DAB1: variants seen among roughly 807,000 people sequenced by gnomAD.
DAB1 encodes disabled homolog 1.
In DAB1, 15 loss-of-function variants were observed where a neutral mutation model predicts 64.6. The ratio of observed to expected loss-of-function variants is 0.23; its 90% confidence interval spans 0.16 to 0.36. The LOEUF is 0.36. Among genes scored for constraint, DAB1 ranks in the 10% least tolerant of loss-of-function variants. DAB1 has a pLI of 1.00. For missense variants in DAB1, 596 were observed against 706.7 expected (o/e 0.84, Z 1.78); for synonymous variants, 235 against 251.9 (o/e 0.93, Z 0.64).
intron 5 of DAB1, among the ~76,000 whole-genome samples, chr1:57,985,065 G>A (rs1646180604): frequency 6.6e-6 from 1 of 152,010 alleles, no homozygotes; most frequent in African/African-American, 2.4e-5. Context: ...ACGCCACCAG[G>A]CCCAACTAAT....
At chr1:57,593,934 C>T (rs1331609520) in intron 7 of DAB1, among the ~76,000 whole-genome samples, 1 of 152,204 alleles carries the variant, frequency 6.6e-6, no homozygotes, top group African/African-American at 2.4e-5. Context: ...CTGAGCCAAT[C>T]ATTATGGTTA....
At chr1:57,191,650 C>T (rs1664130800) in intron 2 of DAB1, among the ~76,000 whole-genome samples, 1 of 152,174 alleles carries the variant, frequency 6.6e-6, no homozygotes, top group Admixed American at 6.5e-5. Flanking sequence ...CCACAGACAC[C>T]TCCAAAAACA....
intron 7 of DAB1, among the ~76,000 whole-genome samples, chr1:57,634,481 CAATAGT>C (rs1158390392): frequency 6.6e-6 from 1 of 152,128 alleles, no homozygotes; most frequent in African/African-American, 2.4e-5. Context: ...TATCCCTTGG[CAATAGT>C]AAGCACCAAA....
chr1:58,536,665 A>G (rs779109975), intron 1 of DAB1: 26 of 872,718 alleles, frequency 3.0e-5, no homozygotes, highest in Non-Finnish European at 5.0e-5. Context: ...AATAGCTTCC[A>G]TTTATTCTTC....
At chr1:58,119,169 C>G (rs1652578222) in intron 5 of DAB1, among the ~76,000 whole-genome samples, 1 of 151,926 alleles carries the variant, frequency 6.6e-6, no homozygotes, top group African/African-American at 2.4e-5. Flanking sequence ...TCTGCAATCT[C>G]TTGTCTGAAT....
chr1:57,019,660 GAGCCACTTGGTGGCTGCCACTGC>G (rs1329985598), intron 11 of DAB1, among the ~76,000 whole-genome samples: 2 of 152,198 alleles, frequency 1.3e-5, no homozygotes, highest in South Asian at 2.1e-4. Context: ...TGGACAGAGG[GAGCCACTTGGTGGCTGCCACTGC>G]AGCCACTTAA....
chr1:58,266,086 G>A (rs1661153549), intron 4 of DAB1, among the ~76,000 whole-genome samples: 1 of 150,094 alleles, frequency 6.7e-6, no homozygotes, highest in Non-Finnish European at 1.5e-5. Context: ...CAATTCACAG[G>A]GAGAATTAAT....
At chr1:58,392,748 T>C (rs563875496) in intron 3 of DAB1, among the ~76,000 whole-genome samples, 64 of 152,372 alleles carry the variant, frequency 4.2e-4, no homozygotes, top group Admixed American at 9.8e-4. Flanking sequence ...GTCGTTGGAC[T>C]TCCTGTTCAC....
chr1:57,858,831 G>A (rs960639626), intron 1 of DAB1, among the ~76,000 whole-genome samples: 1 of 150,586 alleles, frequency 6.6e-6, no homozygotes, highest in Non-Finnish European at 1.5e-5. Flanking sequence ...AACTGAAGTT[G>A]GGGAAACAGT....
intron 5 of DAB1, among the ~76,000 whole-genome samples, chr1:57,947,423 T>C (rs918368146): frequency 6.6e-6 from 1 of 152,108 alleles, no homozygotes; most frequent in East Asian, 1.9e-4. Flanking sequence ...CTATTGACAT[T>C]TTTAACCAGA....
intron 6 of DAB1, among the ~76,000 whole-genome samples, chr1:57,695,313 A>G (rs1646815498): frequency 9.3e-6 from 1 of 107,460 alleles, no homozygotes; most frequent in Non-Finnish European, 1.9e-5. Flanking sequence ...AGAAAGAAAG[A>G]AAGAAAGAAA....
intron 6 of DAB1, among the ~76,000 whole-genome samples, chr1:57,708,923 G>A (rs1297254302): frequency 6.6e-6 from 1 of 152,040 alleles, no homozygotes; most frequent in Non-Finnish European, 1.5e-5. Flanking sequence ...CTACGAAGGT[G>A]TTTTCTTGCA....
At chr1:57,399,595 T>C (rs1475637936) in intron 1 of DAB1, among the ~76,000 whole-genome samples, 2 of 152,220 alleles carry the variant, frequency 1.3e-5, no homozygotes, top group Non-Finnish European at 2.9e-5. Flanking sequence ...CTCACTGGTC[T>C]AGTAAGCACA....
intron 11 of DAB1, among the ~76,000 whole-genome samples, chr1:57,019,349 C>T (rs1455035764): frequency 6.6e-6 from 1 of 152,148 alleles, no homozygotes; most frequent in South Asian, 2.1e-4. Context: ...TTTTCCCCTC[C>T]CATCTTTTAT....
chr1:57,562,557 T>A (rs1269864333), intron 7 of DAB1, among the ~76,000 whole-genome samples: 1 of 152,216 alleles, frequency 6.6e-6, no homozygotes, highest in Admixed American at 6.5e-5. Context: ...CTGTGGCATG[T>A]CCAGAAGGCC....
intron 5 of DAB1, chr1:58,048,588 C>T (rs1647403657): frequency 4.0e-6 from 4 of 1,004,362 alleles, no homozygotes; most frequent in Admixed American, 1.7e-5. Context: ...CCACCATATC[C>T]ACTGACATCA....
chr1:57,091,019 C>T (rs1314513710), intron 4 of DAB1, among the ~76,000 whole-genome samples: 1 of 152,092 alleles, frequency 6.6e-6, no homozygotes, highest in Non-Finnish European at 1.5e-5. Context: ...ATCCCTCACC[C>T]CGCCCCACCC....
At chr1:58,491,807 A>T (rs1010631720) in intron 3 of DAB1, among the ~76,000 whole-genome samples, 9 of 152,198 alleles carry the variant, frequency 5.9e-5, no homozygotes, top group Admixed American at 6.5e-5. Context: ...CTCCCACACA[A>T]TAATAATGGG....
In DAB1 at chr1:57,065,230, C is replaced by T. The variant is rs545744554; in HGVS notation, c.664-2287G>A. Among the ~76,000 whole-genome samples the T allele has an allele frequency of 2.0e-5, 3 of 152,310 alleles. No homozygotes were observed. The South Asian group carries it at 6.2e-4, about 32-fold the overall frequency. ...CTTCTTGGAAGCCTCACTTGATTCT[C>T]TAGGCCTTGTTTGGAGCCTTCCCCT... On this transcript the variant is annotated intron_variant, in intron 8 of 14. Transcript: ENST00000371236.
Sources: allele counts gnomAD v4.1 joint callset (sites outside exome capture counted in the v4.1 genomes callset), GRCh38; gene constraint gnomAD v4.1.1; transcripts MANE v1.5; gene names NCBI Gene and HGNC (gene_info 2026-07-23, HGNC 2026-07-21).